Variants in SLC25A21 observed in about 807,000 individuals in gnomAD.
SLC25A21 encodes the protein mitochondrial 2-oxodicarboxylate carrier.
Under a neutral mutation model 43.8 loss-of-function variants are expected in SLC25A21, and 47 were observed. The observed-to-expected ratio is 1.07, with a 90% CI of 0.85 to 1.37. The LOEUF (loss-of-function observed/expected upper bound fraction) is 1.37. Among genes scored for constraint, SLC25A21 ranks in the 40% most tolerant of loss-of-function variants. The pLI is 0.00. For synonymous variants in SLC25A21, 131 were observed against 121.3 expected, an observed-to-expected ratio of 1.08 and a Z score of -0.52; for missense variants, 352 against 350.2, an observed-to-expected ratio of 1.00 and a Z score of -0.04.
chr14:36,903,467 G>T (rs978236984), intron 1 of SLC25A21, among the ~76,000 whole-genome samples: 4 of 151,768 alleles, frequency 2.6e-5, no homozygotes, highest in Non-Finnish European at 5.9e-5. Context: ...CAAAAAATTA[G>T]CCAGGCCTGG....
intron 2 of SLC25A21, among the ~76,000 whole-genome samples, chr14:36,866,739 G>A (rs1890224770): frequency 6.6e-6 from 1 of 152,194 alleles, no homozygotes; most frequent in African/African-American, 2.4e-5. Flanking sequence ...CTAGCCCCAT[G>A]TGGCTATGGA....
intron 1 of SLC25A21, among the ~76,000 whole-genome samples, chr14:37,167,716 G>T (rs10140952): frequency 0.11 from 16,862 of 151,818 alleles, 2,297 homozygotes; most frequent in African/African-American, 0.32. Context: ...CTAAGATCAG[G>T]GCTTGAGATA....
At chr14:36,705,284 A>T (rs1332037833) in intron 7 of SLC25A21, among the ~76,000 whole-genome samples, 1 of 151,692 alleles carries the variant, frequency 6.6e-6, no homozygotes, top group Non-Finnish European at 1.5e-5. Flanking sequence ...CGACCTCGTG[A>T]TCCACCCGCC....
chr14:37,045,055 C>A (rs144995079), intron 1 of SLC25A21, among the ~76,000 whole-genome samples: 1 of 152,198 alleles, frequency 6.6e-6, no homozygotes, highest in African/African-American at 2.4e-5. Context: ...CCCACCCATG[C>A]TCCTTCTAAA....
chr14:36,958,678 T>TGTGC (rs1959405486), intron 1 of SLC25A21, among the ~76,000 whole-genome samples: 1 of 107,730 alleles, frequency 9.3e-6, no homozygotes, highest in Non-Finnish European at 1.9e-5. Context: ...TAAGCACACG[T>TGTGC]GCACACACAC....
intron 1 of SLC25A21, among the ~76,000 whole-genome samples, chr14:36,975,797 C>T (rs1360834707): frequency 1.3e-5 from 2 of 152,124 alleles, no homozygotes; most frequent in Admixed American, 1.3e-4. Flanking sequence ...ACCTGAGGAC[C>T]ATAGTTGACA....
chr14:37,111,285 T>C (rs1963015225), intron 1 of SLC25A21, among the ~76,000 whole-genome samples: 1 of 152,150 alleles, frequency 6.6e-6, no homozygotes. Flanking sequence ...TTCTGTCTTC[T>C]CCCCTCGCCC....
intron 1 of SLC25A21, among the ~76,000 whole-genome samples, chr14:36,889,664 TA>T (rs1231923048): frequency 6.6e-6 from 1 of 152,100 alleles, no homozygotes; most frequent in Non-Finnish European, 1.5e-5. Context: ...TTTTTAATTT[TA>T]TTTTTTTTGT....
chr14:36,850,492 G>A (rs1272078913), intron 2 of SLC25A21, among the ~76,000 whole-genome samples: 1 of 151,990 alleles, frequency 6.6e-6, no homozygotes, highest in African/African-American at 2.4e-5. Context: ...GTAAAAGAAA[G>A]GTCCCATCCA....
chr14:36,977,455 G>C (rs1213168466), intron 1 of SLC25A21, among the ~76,000 whole-genome samples: 2 of 152,148 alleles, frequency 1.3e-5, no homozygotes, highest in Non-Finnish European at 2.9e-5. Flanking sequence ...AAAACCACCA[G>C]AAATAATACA....
chr14:37,171,613 G>A (rs1014819408), intron 1 of SLC25A21, among the ~76,000 whole-genome samples: 3 of 152,068 alleles, frequency 2.0e-5, no homozygotes, highest in Non-Finnish European at 4.4e-5. Flanking sequence ...ACATGTCGTG[G>A]TTAGTAACTT....
At chr14:36,957,407 A>G (rs1959368994) in intron 1 of SLC25A21, among the ~76,000 whole-genome samples, 1 of 152,220 alleles carries the variant, frequency 6.6e-6, no homozygotes, top group Admixed American at 6.5e-5. Context: ...TGGCTTGCCC[A>G]TTAATGTGCT....
At chr14:37,060,368 C>T (rs117046485) in intron 1 of SLC25A21, among the ~76,000 whole-genome samples, 2,463 of 143,452 alleles carry the variant, frequency 0.017, 33 homozygotes, top group Non-Finnish European at 0.025. Flanking sequence ...ATGACTAAGG[C>T]ACTCTACTCT....
chr14:36,845,819 G>C (rs1462607009), intron 2 of SLC25A21, among the ~76,000 whole-genome samples: 1 of 152,190 alleles, frequency 6.6e-6, no homozygotes, highest in African/African-American at 2.4e-5. Context: ...GATTTATGGG[G>C]TGGGATCTTG....
At chr14:37,129,848 CCTATT>C (rs1963362916) in intron 1 of SLC25A21, among the ~76,000 whole-genome samples, 1 of 151,596 alleles carries the variant, frequency 6.6e-6, no homozygotes, top group Non-Finnish European at 1.5e-5. Context: ...TTATATTTAT[CCTATT>C]CTAATTATTT....
intron 1 of SLC25A21, among the ~76,000 whole-genome samples, chr14:36,979,338 T>A (rs1959963252): frequency 6.6e-6 from 1 of 151,550 alleles, no homozygotes; most frequent in Non-Finnish European, 1.5e-5. Context: ...TTTGGTTTTT[T>A]TTTTTACTGT....
At chr14:36,799,023 G>A (rs1447927288) in intron 3 of SLC25A21, among the ~76,000 whole-genome samples, 1 of 152,086 alleles carries the variant, frequency 6.6e-6, no homozygotes, top group African/African-American at 2.4e-5. Flanking sequence ...GGACAAGAGA[G>A]CTAAAGGCAA....
chr14:36,679,856 C>A lies in SLC25A21; in HGVS notation c.*802G>T. ...ACAATATCTCATCAACAAAACTTAT[C>A]TTCAAAGAGAACTATGTGGAGGAAA... On this transcript the variant is annotated 3_prime_UTR_variant, in exon 10 of 10. Coordinates refer to ENST00000331299, the MANE Select transcript of SLC25A21 (RefSeq NM_030631.4). 1.0e-6 allele frequency: 1 copy of A among 983,836 alleles called. No homozygotes were observed. Among genetic ancestry groups the A allele is most frequent in the Non-Finnish European group, 1.2e-6 (1 of 828,542 alleles). The allele number at this position is 983,836 out of a possible 1,614,324, so 60.9% of individuals were successfully genotyped here.
At chr14:37,114,283 T>G (rs1355172440) in intron 1 of SLC25A21, among the ~76,000 whole-genome samples, 1 of 152,214 alleles carries the variant, frequency 6.6e-6, no homozygotes, top group Non-Finnish European at 1.5e-5. Flanking sequence ...GGCAAAATGT[T>G]CAAACCACAT....
Sources: gnomAD v4.1 joint callset for allele counts (sites outside exome capture counted in the v4.1 genomes callset) on GRCh38, gnomAD v4.1.1 for gene constraint, MANE v1.5 for transcripts, NCBI Gene and HGNC (gene_info 2026-07-23, HGNC 2026-07-21) for gene names.